The following ZBTB20 variants were observed in gnomAD, a reference collection of about 807,000 sequenced individuals.
ZBTB20 encodes the protein zinc finger and BTB domain-containing protein 20.
In ZBTB20, 9 loss-of-function variants were observed where a neutral mutation model predicts 56.9. The ratio of observed to expected loss-of-function variants is 0.16; its 90% CI spans 0.10 to 0.28. ZBTB20 has a LOEUF of 0.28. Among genes scored for constraint, ZBTB20 ranks in the 10% least tolerant of loss-of-function variants. The pLI is 1.00. For missense variants in ZBTB20, 655 were observed against 1,003.0 expected, an observed-to-expected ratio of 0.65 and a Z score of 4.69; for synonymous variants, 417 against 420.7, an observed-to-expected ratio of 0.99 and a Z score of 0.11.
At chr3:115,038,719 T>G (rs915468363) in intron 2 of ZBTB20, among the ~76,000 whole-genome samples, 2 of 152,134 alleles carry the variant, frequency 1.3e-5, no homozygotes, top group Non-Finnish European at 2.9e-5. Context: ...TGGTAAACTA[T>G]TAACGTCATT....
intron 5 of ZBTB20, among the ~76,000 whole-genome samples, chr3:114,771,293 T>C (rs1040591733): frequency 6.6e-6 from 1 of 152,170 alleles, no homozygotes; most frequent in Non-Finnish European, 1.5e-5. Context: ...AATATAAACA[T>C]ACATATATCT....
intron 6 of ZBTB20, among the ~76,000 whole-genome samples, chr3:114,523,834 T>C (rs1056533739): frequency 1.3e-5 from 2 of 152,128 alleles, no homozygotes; most frequent in African/African-American, 4.8e-5. Context: ...GGGAAAAATA[T>C]GAAATATTCT....
intron 3 of ZBTB20, among the ~76,000 whole-genome samples, chr3:114,959,884 G>A (rs2077385309): frequency 6.6e-6 from 1 of 152,020 alleles, no homozygotes; most frequent in Non-Finnish European, 1.5e-5. Flanking sequence ...GCATCAAATA[G>A]GTACCAATCA....
Position 114,842,896 on chromosome 3 carries a change from A to G in ZBTB20, c.-416-41722T>C, listed in dbSNP as rs1449538050. Among the ~76,000 whole-genome samples the G allele has an allele frequency of 5.3e-5, 8 of 152,294 alleles. No individual in the cohort carries two copies. The South Asian group carries it at 1.7e-3, about 32-fold the overall frequency. ...GATATGGTTTGGCTCTGTGTCCCCA[A>G]CCAAATCTTACCTTGAATTGTAATC... is the stretch of plus-strand genomic sequence containing the variant. On this transcript the variant is annotated intron_variant, in intron 4 of 11. Coordinates refer to ENST00000675478, the MANE Select transcript of ZBTB20 (RefSeq NM_001348800.3).
At chr3:115,142,183 A>G (rs2084829685) in intron 1 of ZBTB20, among the ~76,000 whole-genome samples, 1 of 152,244 alleles carries the variant, frequency 6.6e-6, no homozygotes, top group Non-Finnish European at 1.5e-5. Flanking sequence ...CATGTCAAGG[A>G]CCACAGGCAG....
chr3:114,626,031 T>G (rs527605413), intron 6 of ZBTB20, among the ~76,000 whole-genome samples: 1 of 152,000 alleles, frequency 6.6e-6, no homozygotes. Flanking sequence ...AAGAAAGCAA[T>G]CTCAAGTCAC....
chr3:115,010,457 C>G (rs1380305629), intron 2 of ZBTB20, among the ~76,000 whole-genome samples: 1 of 151,936 alleles, frequency 6.6e-6, no homozygotes, highest in Non-Finnish European at 1.5e-5. Context: ...GAAAGAAGGA[C>G]TCTGTATTCT....
chr3:114,948,190 T>G (rs1233658882), intron 3 of ZBTB20, among the ~76,000 whole-genome samples: 1 of 144,596 alleles, frequency 6.9e-6, no homozygotes, highest in Non-Finnish European at 1.5e-5. Context: ...TCCTATGATC[T>G]CAATAGATCC....
At chr3:114,382,815 T>G (rs2084550171) in intron 8 of ZBTB20, among the ~76,000 whole-genome samples, 1 of 152,242 alleles carries the variant, frequency 6.6e-6, no homozygotes, top group South Asian at 2.1e-4. Flanking sequence ...TCACCTATTC[T>G]TTTCTTCTTC....
chr3:114,782,918 T>C (rs892338359), intron 5 of ZBTB20, among the ~76,000 whole-genome samples: 2 of 152,216 alleles, frequency 1.3e-5, no homozygotes, highest in African/African-American at 4.8e-5. Flanking sequence ...AAAAATTGGC[T>C]ATTATTTGAT....
At chr3:114,678,319 T>TA (rs553062050) in intron 6 of ZBTB20, among the ~76,000 whole-genome samples, 5 of 152,082 alleles carry the variant, frequency 3.3e-5, no homozygotes, top group Non-Finnish European at 5.9e-5. Context: ...ATTCTGTTTT[T>TA]AAAAAAAAGA....
intron 6 of ZBTB20, among the ~76,000 whole-genome samples, chr3:114,579,173 G>C (rs2054392699): frequency 6.6e-6 from 1 of 151,648 alleles, no homozygotes; most frequent in Admixed American, 6.6e-5. Context: ...CAAGCCAGAA[G>C]TAAAATCCAT....
At chr3:115,146,142 T>C (rs1158996969) in intron 1 of ZBTB20, among the ~76,000 whole-genome samples, 1 of 152,194 alleles carries the variant, frequency 6.6e-6, no homozygotes, top group Non-Finnish European at 1.5e-5. Flanking sequence ...CATTCAGATT[T>C]TCATTGGAGA....
chr3:114,401,655 C>T (rs949706292), intron 7 of ZBTB20, among the ~76,000 whole-genome samples: 3 of 152,124 alleles, frequency 2.0e-5, no homozygotes, highest in African/African-American at 7.2e-5. Flanking sequence ...TGAGGACTTA[C>T]ATTTTTCCCA....
intron 4 of ZBTB20, among the ~76,000 whole-genome samples, chr3:114,850,752 T>C (rs929007801): frequency 3.9e-5 from 6 of 152,216 alleles, no homozygotes; most frequent in Non-Finnish European, 5.9e-5. Flanking sequence ...GTATATTCCC[T>C]GAGGCTGTAG....
intron 1 of ZBTB20, among the ~76,000 whole-genome samples, chr3:115,105,181 C>A (rs978347628): frequency 6.8e-6 from 1 of 146,782 alleles, no homozygotes; most frequent in Non-Finnish European, 1.5e-5. Flanking sequence ...AATTGAACAG[C>A]GTATCATAAT....
At chr3:114,584,674 C>T (rs1454684936) in intron 6 of ZBTB20, among the ~76,000 whole-genome samples, 1 of 152,122 alleles carries the variant, frequency 6.6e-6, no homozygotes, top group African/African-American at 2.4e-5. Context: ...GTGCAATTTG[C>T]CAAGTCTAAA....
intron 5 of ZBTB20, among the ~76,000 whole-genome samples, chr3:114,793,327 T>G (rs951246894): frequency 3.3e-5 from 5 of 152,160 alleles, no homozygotes; most frequent in Non-Finnish European, 7.3e-5. Context: ...AATTATTCCT[T>G]CTTATTGGTC....
intron 7 of ZBTB20, among the ~76,000 whole-genome samples, chr3:114,444,589 G>T (rs185346441): frequency 6.6e-6 from 1 of 152,120 alleles, no homozygotes; most frequent in Admixed American, 6.6e-5. Context: ...GAAAACTTGA[G>T]TTCTGGTCCC....
Sources: gnomAD v4.1 joint callset for allele counts (sites outside exome capture counted in the v4.1 genomes callset) on GRCh38, gnomAD v4.1.1 for gene constraint, MANE v1.5 for transcripts, NCBI Gene and HGNC (gene_info 2026-07-23, HGNC 2026-07-21) for gene names.